Variants in PCDHGA11 observed in about 807,000 individuals in gnomAD.
The protein encoded by PCDHGA11 is protocadherin gamma subfamily A, 11.
PCDHGA11 carries 39 observed loss-of-function variants against 60.4 expected under a neutral mutation model. The ratio of observed to expected loss-of-function variants is 0.65; its 90% CI spans 0.50 to 0.84. The LOEUF (loss-of-function observed/expected upper bound fraction) is 0.84. PCDHGA11 is among the 40% of genes least tolerant of loss of function. PCDHGA11 has a pLI of 0.00. For missense variants in PCDHGA11, 1,165 were observed against 1,197.7 expected, an observed-to-expected ratio of 0.97 and a Z score of 0.40; for synonymous variants, 533 against 510.3, an observed-to-expected ratio of 1.04 and a Z score of -0.60.
At position 141,432,119 on chromosome 5, in the gene PCDHGA11, C is replaced by T. The variant is rs1273427353; in HGVS notation, c.2433+8459C>T. On this transcript the variant is annotated intron_variant, in intron 1 of 3. Transcript: ENST00000398587. The surrounding 1 kb of genome is among the most constrained non-coding windows in gnomAD (Gnocchi z 6.0). ...CAACGACAACCCGCCGGTCTTCCCT[C>T]AGGCCTCCTATTCCGCTTATATCCC... is the stretch of plus-strand genomic sequence containing the variant. 7 of 1,614,184 alleles carry T rather than the reference C, an allele frequency of 4.3e-6. No homozygotes were observed. Among genetic ancestry groups the T allele is most frequent in the Non-Finnish European group, 5.9e-6 (7 of 1,180,032 alleles).
chr5:141,484,941 C>T (rs2099604065), intron 1 of PCDHGA11: 2 of 543,888 alleles, frequency 3.7e-6, no homozygotes, highest in East Asian at 6.3e-5. Context: ...ACGTTCTCTG[C>T]TCAGCCTATT....
rs186638311 is a variant in PCDHGA11, at chr5:141,492,901, T to C, written c.2434-1906T>C. 3.7e-3 allele frequency among the ~76,000 whole-genome samples: 568 copies of C among 152,326 alleles called. 5 individuals carry two copies. The highest frequency in any genetic ancestry group is 0.011 in the Admixed American group (163 of 15,308). On this transcript the variant is annotated intron_variant, in intron 1 of 3. Coordinates refer to ENST00000398587, the MANE Select transcript of PCDHGA11 (RefSeq NM_018914.3). ...GAGATACAGGCTTTTGGCGCCGTCG[T>C]GATCACAATGTGCCCAGCGATCTAG...
Position 141,495,110 on chromosome 5 carries a change from T to C in PCDHGA11, c.2492+245T>C, listed in dbSNP as rs74534116. Among the ~76,000 whole-genome samples the C allele has an allele frequency of 3.9e-3, 595 of 152,212 alleles. 3 individuals carry two copies. The highest frequency in any genetic ancestry group is 0.013 in the African/African-American group (538 of 41,532). On this transcript the variant is annotated intron_variant, in intron 2 of 3. Coordinates refer to ENST00000398587, the MANE Select transcript of PCDHGA11 (RefSeq NM_018914.3). The stretch of plus-strand genomic sequence containing the variant: ...TTCCCTCCTCGCCACGACCGGCACC[T>C]TTTCCTATCCCCTGAGGGCACTGTG...
intron 1 of PCDHGA11, among the ~76,000 whole-genome samples, chr5:141,442,680 A>C (rs2098335997): frequency 6.6e-6 from 1 of 152,270 alleles, no homozygotes; most frequent in Non-Finnish European, 1.5e-5. Flanking sequence ...CTTGAGGGAC[A>C]GTAGTCAGGC....
chr5:141,495,721 G>A (rs2099763243), intron 2 of PCDHGA11, among the ~76,000 whole-genome samples: 1 of 152,100 alleles, frequency 6.6e-6, no homozygotes, highest in Non-Finnish European at 1.5e-5. Context: ...TAACTACACG[G>A]GACCCTTAGT....
intron 1 of PCDHGA11, chr5:141,427,265 C>A (rs767369457): frequency 6.6e-6 from 3 of 456,572 alleles, no homozygotes; most frequent in Non-Finnish European, 8.8e-6. Context: ...GCATGACCAG[C>A]GAATGTAAAA....
rs530356030 is a variant in PCDHGA11 at position 141,426,463 on chromosome 5, GATTT to G, written c.2433+2807_2433+2810del. 309 of 318,428 alleles carry G rather than the reference GATTT, an allele frequency of 9.7e-4. 2 individuals are homozygous for G. Among genetic ancestry groups the G allele is most frequent in the Non-Finnish European group, 1.6e-3 (252 of 160,518 alleles). 19.7% of individuals were successfully genotyped at this position (318,428 alleles called of 1,614,324 possible). A position where few individuals can be genotyped will look rare whatever the true frequency, so the allele number is the denominator to read the frequency against. ...GGAGGACATGCGGCTGCATGTTCAGGATTTATTGACCTGAAACCTTAGAGTTAGT... is the reference window on the plus strand; with the variant it reads ...GGAGGACATGCGGCTGCATGTTCAGGATTGACCTGAAACCTTAGAGTTAGT... On this transcript the variant is annotated intron_variant, in intron 1 of 3. Transcript: ENST00000398587.
Position 141,487,820 on chromosome 5 carries a change from G to A in PCDHGA11, c.2434-6987G>A, listed in dbSNP as rs1024593393. 8 of 1,293,652 alleles carry A rather than the reference G, an allele frequency of 6.2e-6. No individual in the cohort carries two copies. The highest frequency in any genetic ancestry group is 3.7e-4 in the Middle Eastern group (2 of 5,382). 80.1% of individuals were successfully genotyped at this position (1,293,652 alleles called of 1,614,324 possible). A position where few individuals can be genotyped will look rare whatever the true frequency, so the allele number is the denominator to read the frequency against. On this transcript the variant is annotated intron_variant, in intron 1 of 3. Transcript: ENST00000398587. This position sits in a 1 kb window ranked among gnomAD's most constrained non-coding sequence, Gnocchi z 5.0. ...GTTGTCACAGTTTAGCATTGGGGGC[G>A]GGTCATGCCTATATCTGAGTAAGAA...
chr5:141,509,873 G>C (rs2099878704), intron 3 of PCDHGA11, among the ~76,000 whole-genome samples: 1 of 152,196 alleles, frequency 6.6e-6, no homozygotes, highest in South Asian at 2.1e-4. Flanking sequence ...CAAGCTGCTG[G>C]TGGTGATGGT....
intron 2 of PCDHGA11, among the ~76,000 whole-genome samples, chr5:141,499,209 C>G (rs1171702973): frequency 6.6e-6 from 1 of 152,096 alleles, no homozygotes; most frequent in Admixed American, 6.5e-5. Context: ...GGCTGTAACC[C>G]AGGCCCTGCC....
At position 141,457,403 on chromosome 5, in the gene PCDHGA11, C is replaced by A. The variant is rs550748216; in HGVS notation, c.2433+33743C>A. On this transcript the variant is annotated intron_variant, in intron 1 of 3. Transcript: ENST00000398587. ...GAACTAGCATATTGATTCACATTTT[C>A]ACATTACCCATCCCTTTTTCCCCCC... Among the ~76,000 whole-genome samples, 4 of 152,328 alleles carry A rather than the reference C, an allele frequency of 2.6e-5. No homozygotes were observed. In the East Asian group the frequency reaches 7.7e-4, roughly 29 times the overall value.
At chr5:141,480,167 G>C (rs752444894) in intron 1 of PCDHGA11, among the ~76,000 whole-genome samples, 3 of 151,964 alleles carry the variant, frequency 2.0e-5, no homozygotes, top group Non-Finnish European at 2.9e-5. Flanking sequence ...ATTTTGGGAG[G>C]CTGAGGCAGG....
chr5:141,497,885 A>T (rs1469477968), intron 2 of PCDHGA11, among the ~76,000 whole-genome samples: 1 of 152,166 alleles, frequency 6.6e-6, no homozygotes, highest in Non-Finnish European at 1.5e-5. Flanking sequence ...AAGCGTTAGG[A>T]TCTAGTCCAG....
intron 2 of PCDHGA11, among the ~76,000 whole-genome samples, chr5:141,498,555 C>T (rs2099784323): frequency 6.6e-6 from 1 of 152,032 alleles, no homozygotes; most frequent in South Asian, 2.1e-4. Flanking sequence ...GACACACCAG[C>T]TTCAAAGCAG....
At chr5:141,428,333 T>A in intron 1 of PCDHGA11, 1 of 618,518 alleles carries the variant, frequency 1.6e-6, no homozygotes, top group Non-Finnish European at 2.9e-6. Context: ...ATTTCTATGC[T>A]CTTCTTCCTC....
chr5:141,435,990 T>C (rs1175877769), intron 1 of PCDHGA11, among the ~76,000 whole-genome samples: 1 of 152,162 alleles, frequency 6.6e-6, no homozygotes, highest in Non-Finnish European at 1.5e-5. Flanking sequence ...TTGTGTGATT[T>C]TTTGAAAGAA....
At chr5:141,467,055 C>CTTTTTTTTTTT (rs1193465269) in intron 1 of PCDHGA11, among the ~76,000 whole-genome samples, 1 of 134,498 alleles carries the variant, frequency 7.4e-6, no homozygotes, top group Non-Finnish European at 1.6e-5. Context: ...TCAATGTTTT[C>CTTTTTTTTTTT]TTTTTTTTTT....
Position 141,510,946 on chromosome 5 carries a change from GA to G in PCDHGA11, c.2583del (p.Ala862LeufsTer17). The G allele has an allele frequency of 6.2e-7, 1 of 1,614,128 alleles. No homozygotes were observed. ...LQAMILASAS[E>X]AADGSSTLGG... ...CACCTGATCTTCCTCTGTCTCTGCA[GA>G]AGCTGCTGATGGGAGCTCCACCCTG... On this transcript the variant is annotated frameshift_variant and splice_region_variant, in exon 4 of 4. Coordinates refer to ENST00000398587, the MANE Select transcript of PCDHGA11 (RefSeq NM_018914.3). LOFTEE classifies it high-confidence loss of function.
At position 141,422,699 on chromosome 5, in the gene PCDHGA11, C is replaced by G. The variant is rs765368737; in HGVS notation, c.1472C>G (p.Ser491Cys). 1.2e-6 allele frequency: 2 copies of G among 1,603,420 alleles called. No homozygotes were observed. The highest frequency in any genetic ancestry group is 1.1e-5 in the South Asian group (1 of 88,784). The change falls in exon 1 of 4, where the codon TCT (serine) becomes TGT (cysteine). Residue 491 changes from serine (S) to cysteine (C), a missense_variant. Ser to Cys is a moderately radical substitution (Grantham distance 112). Transcript: ENST00000398587. Reference protein sequence around the residue: ...DSKQNALVTYSLTDDTVQGVP... With the variant: ...DSKQNALVTYCLTDDTVQGVP... The stretch of plus-strand genomic sequence containing the variant: ...AAACAGAATGCCCTGGTCACTTACT[C>G]TCTGACGGATGACACTGTCCAGGGG...
Sources: gnomAD v4.1 joint callset for allele counts (sites outside exome capture counted in the v4.1 genomes callset) on GRCh38, gnomAD v4.1.1 for gene constraint, Gnocchi (gnomAD v3.1) non-coding constraint, MANE v1.5 for transcripts, NCBI Gene and HGNC (gene_info 2026-07-23, HGNC 2026-07-21) for gene names.